CD33: variants seen among roughly 807,000 people sequenced by gnomAD.
The protein encoded by CD33 is myeloid cell surface antigen CD33.
A neutral mutation model predicts 31.4 loss-of-function variants in CD33; 25 were observed. The ratio of observed to expected loss-of-function variants is 0.80; its 90% CI spans 0.58 to 1.11. The LOEUF (loss-of-function observed/expected upper bound fraction) is 1.11. Ranked by LOEUF, CD33 falls within the 50% of genes most tolerant of loss-of-function variation. CD33 has a pLI of 0.00. For missense variants in CD33, 407 were observed against 448.1 expected (o/e 0.91, Z 0.83); for synonymous variants, 176 against 180.6 (o/e 0.97, Z 0.20).
intron 6 of CD33, chr19:51,235,904 A>G: frequency 1.4e-6 from 1 of 702,484 alleles, no homozygotes. Context: ...CACACCTGCA[A>G]TCCCAGCACC....
At chr19:51,219,070 T>C in the CD33 span, among the ~76,000 whole-genome samples, 7 of 152,278 alleles carry the variant, frequency 4.6e-5, no homozygotes, top group African/African-American at 1.7e-4. Context: ...ATGACATTGG[T>C]ATTTTGATAG....
At chr19:51,238,726 T>C (rs762028675) in intron 6 of CD33, 1 of 152,182 alleles carries the variant, frequency 6.6e-6, no homozygotes, top group Non-Finnish European at 1.5e-5. Flanking sequence ...CAAGAGAGAA[T>C]GGGAGGAGAA....
chr19:51,226,643 C>T (rs1389955725), intron 4 of CD33, among the ~76,000 whole-genome samples: 2 of 152,082 alleles, frequency 1.3e-5, no homozygotes, highest in East Asian at 3.9e-4. Flanking sequence ...AGTGATGTTT[C>T]CATACTAATA....
At chr19:51,211,089 G>T in the CD33 span, 8 of 1,512,430 alleles carry the variant, frequency 5.3e-6, no homozygotes, top group Admixed American at 3.3e-5. Context: ...CAGGAAGCCC[G>T]GGAAGCCTCT....
the CD33 span, chr19:51,211,299 C>G: frequency 1.7e-5 from 26 of 1,569,236 alleles, no homozygotes; most frequent in Non-Finnish European, 2.0e-5. Flanking sequence ...CCTGCACTTT[C>G]TCCCATCCCA....
chr19:51,212,405 A>G, the CD33 span, among the ~76,000 whole-genome samples: 1 of 152,122 alleles, frequency 6.6e-6, no homozygotes, highest in Non-Finnish European at 1.5e-5. Flanking sequence ...AGCTCAGGGC[A>G]GGGGTGGGCC....
chr19:51,230,700 T>G (rs556016942), intron 4 of CD33, among the ~76,000 whole-genome samples: 1 of 152,334 alleles, frequency 6.6e-6, no homozygotes, highest in South Asian at 2.1e-4. Flanking sequence ...CATTTCCACT[T>G]GGGTAGAATA....
chr19:51,238,465 G>C (rs531466900), intron 6 of CD33: 1 of 152,412 alleles, frequency 6.6e-6, no homozygotes, highest in South Asian at 2.1e-4. Flanking sequence ...TTAATGTTAG[G>C]GAGATGAGGT....
At chr19:51,227,446 T>C (rs1315103886) in intron 4 of CD33, among the ~76,000 whole-genome samples, 3 of 152,250 alleles carry the variant, frequency 2.0e-5, no homozygotes, top group Non-Finnish European at 4.4e-5. Flanking sequence ...ATTGTGGTTT[T>C]GATTTGCATT....
At chr19:51,219,653 C>G in the CD33 span, among the ~76,000 whole-genome samples, 7 of 152,120 alleles carry the variant, frequency 4.6e-5, no homozygotes, top group African/African-American at 1.7e-4. Flanking sequence ...ATGATGTTGG[C>G]TGTGGGTTTG....
Position 51,235,139 on chromosome 19 carries a change from A to C in CD33, c.746-18A>C. Reference sequence around the variant, plus strand: ...TTTATCTAGATTAGAATTCACCCCAAATCTTTTTTGTCTGCAGGGAAACAA... The same window carrying C: ...TTTATCTAGATTAGAATTCACCCCACATCTTTTTTGTCTGCAGGGAAACAA... On this transcript the variant is annotated intron_variant, in intron 4 of 6. Coordinates refer to ENST00000262262, the MANE Select transcript of CD33 (RefSeq NM_001772.4). 6.2e-7 allele frequency: 1 copy of C among 1,606,842 alleles called. No individual in the cohort carries two copies. The highest frequency in any genetic ancestry group is 8.5e-7 in the Non-Finnish European group (1 of 1,173,396).
the CD33 span, among the ~76,000 whole-genome samples, chr19:51,214,059 C>T: frequency 2.7e-5 from 4 of 150,672 alleles, no homozygotes; most frequent in Admixed American, 2.6e-4. Context: ...AGGGTTTCAC[C>T]ATGTTGTCCA....
the CD33 span, chr19:51,211,942 G>C: frequency 7.2e-7 from 1 of 1,383,876 alleles, no homozygotes; most frequent in Non-Finnish European, 1.0e-6. Context: ...CTGGGCCCCA[G>C]GACCCTCCAC....
chr19:51,216,128 C>A, the CD33 span, among the ~76,000 whole-genome samples: 1 of 151,932 alleles, frequency 6.6e-6, no homozygotes, highest in African/African-American at 2.4e-5. Flanking sequence ...TGAGACTTTG[C>A]ATGTGTAGTT....
At chr19:51,235,049 TA>T in intron 4 of CD33, 107 bp from the exon 5 acceptor site, 1 of 822,828 alleles carries the variant, frequency 1.2e-6, no homozygotes, top group Non-Finnish European at 2.0e-6. Context: ...ATCTAGGAGC[TA>T]AACCCCATTT....
rs368789174 is a variant in CD33 at position 51,226,374 on chromosome 19, C to T, written c.745+18C>T. 9.8e-5 allele frequency: 158 copies of T among 1,610,110 alleles called. No individual in the cohort carries two copies. Among genetic ancestry groups the T allele is most frequent in the Middle Eastern group, 8.2e-4 (5 of 6,078 alleles). ...TGGCTCAGGTAGGAAGGAGCCTCCC[C>T]GCCTGGGGCTGTTACTGACATTGAG... On this transcript the variant is annotated intron_variant, in intron 4 of 6. Coordinates refer to ENST00000262262, the MANE Select transcript of CD33 (RefSeq NM_001772.4).
At chr19:51,227,338 A>G (rs1981107513) in intron 4 of CD33, among the ~76,000 whole-genome samples, 1 of 152,200 alleles carries the variant, frequency 6.6e-6, no homozygotes, top group Non-Finnish European at 1.5e-5. Context: ...TCTGGTCAAA[A>G]GTATATAAGA....
Position 51,239,937 on chromosome 19 carries a change from T to G in CD33, c.*249T>G. 6.0e-6 allele frequency: 2 copies of G among 335,176 alleles called. No homozygotes were observed. The allele number at this position is 335,176 out of a possible 1,614,324, so 20.8% of individuals were successfully genotyped here. A position where few individuals can be genotyped will look rare whatever the true frequency, so the allele number is the denominator to read the frequency against. On this transcript the variant is annotated 3_prime_UTR_variant, in exon 7 of 7. Transcript: ENST00000262262. ...TTAACCTTCCATGTCTCCATTTTCT[T>G]CTCTGTGAAGTAGGTATAAGAAGTC...
chr19:51,238,471 G>A (rs1360766535), intron 6 of CD33: 4 of 152,320 alleles, frequency 2.6e-5, no homozygotes, highest in African/African-American at 9.7e-5. Context: ...TTAGGGAGAT[G>A]AGGTGTAAAT....
Sources: gnomAD v4.1 joint callset for allele counts (sites outside exome capture counted in the v4.1 genomes callset) on GRCh38, gnomAD v4.1.1 for gene constraint, MANE v1.5 for transcripts, NCBI Gene and HGNC (gene_info 2026-07-23, HGNC 2026-07-21) for gene names.